The following C7 variants were observed in gnomAD, a reference collection of about 807,000 sequenced individuals.
C7 encodes complement component C7.
C7 carries 83 observed loss-of-function variants against 104.8 expected under a neutral mutation model. The ratio of observed to expected loss-of-function variants is 0.79; its 90% CI spans 0.66 to 0.95. C7 has a LOEUF of 0.95. Among genes scored for constraint, C7 ranks in the 40% least tolerant of loss-of-function variants. C7 has a pLI of 0.00. For missense variants in C7, 1,070 were observed against 1,011.2 expected (o/e 1.06, Z -0.79); for synonymous variants, 415 against 360.6 (o/e 1.15, Z -1.71).
rs889098226 is a variant in C7 at position 40,984,337 on chromosome 5, C to A, written c.*2764C>A. Reference sequence around the variant, plus strand: ...GCCAAGCAGGAAATCTGACAAGTGACCCCCGGAACTTTGGATTACCTAGCA... The same window carrying A: ...GCCAAGCAGGAAATCTGACAAGTGAACCCCGGAACTTTGGATTACCTAGCA... On this transcript the variant is annotated 3_prime_UTR_variant, in exon 18 of 18. Transcript: ENST00000313164. Among the ~76,000 whole-genome samples, 3 of 152,106 alleles carry A rather than the reference C, an allele frequency of 2.0e-5. No homozygotes were observed. The highest frequency in any genetic ancestry group is 2.9e-5 in the Non-Finnish European group (2 of 68,024).
chr5:40,928,745 T>C, intron 2 of C7, 110 bp downstream of exon 2: 1 of 575,470 alleles, frequency 1.7e-6, no homozygotes, highest in Non-Finnish European at 3.0e-6. Context: ...CCCTCCAACA[T>C]ATTTTCTCTT....
chr5:40,956,451 A>G lies in C7; in HGVS notation c.1260+898A>G, dbSNP rs148319065. On this transcript the variant is annotated intron_variant, in intron 10 of 17. Transcript: ENST00000313164. ...TGTGTGTCAACGCACATGCGTATGC[A>G]TGAGTTTTGTATATTCCTATGTGGC... Among the ~76,000 whole-genome samples the G allele has an allele frequency of 6.8e-3, 1,036 of 152,346 alleles. 5 individuals carry two copies. Among genetic ancestry groups the G allele is most frequent in the Middle Eastern group, 0.017 (5 of 294 alleles).
intron 3 of C7, among the ~76,000 whole-genome samples, chr5:40,933,378 A>G (rs942543728): frequency 6.6e-6 from 1 of 152,124 alleles, no homozygotes; most frequent in African/African-American, 2.4e-5. Flanking sequence ...GTTAATGGAG[A>G]AGAGGTGAGT....
intron 11 of C7, among the ~76,000 whole-genome samples, chr5:40,958,876 C>T (rs1740359865): frequency 1.3e-5 from 2 of 152,102 alleles, no homozygotes. Context: ...TTTCTTTATT[C>T]CCAGAGCTTG....
Position 40,966,613 on chromosome 5 carries a change from G to A in C7, c.1882+1740G>A, listed in dbSNP as rs542548890. On this transcript the variant is annotated intron_variant, in intron 14 of 17. Transcript: ENST00000313164. ...AGGATGGTCTTGAACTCCTGACCTCGTGATCTGCCTGAATCGGCCTCCCAA... is the reference window on the plus strand; with the variant it reads ...AGGATGGTCTTGAACTCCTGACCTCATGATCTGCCTGAATCGGCCTCCCAA... Among the ~76,000 whole-genome samples, 28 of 152,058 alleles carry A rather than the reference G, an allele frequency of 1.8e-4. No individual in the cohort carries two copies. The South Asian group carries it at 5.4e-3, about 29-fold the overall frequency.
At chr5:40,936,623 C>T in intron 5 of C7, 138 bp downstream of exon 5, 1 of 744,098 alleles carries the variant, frequency 1.3e-6, no homozygotes, top group East Asian at 2.7e-5. Flanking sequence ...TTTGCCACAT[C>T]CTGAGACAGT....
At chr5:40,934,693 T>C (rs1216759152) in intron 4 of C7, among the ~76,000 whole-genome samples, 1 of 152,200 alleles carries the variant, frequency 6.6e-6, no homozygotes, top group East Asian at 1.9e-4. Flanking sequence ...GCTCTTTGTC[T>C]CTTTGAATGG....
At chr5:40,920,803 C>G (rs1739422545) in intron 1 of C7, among the ~76,000 whole-genome samples, 1 of 152,174 alleles carries the variant, frequency 6.6e-6, no homozygotes, top group African/African-American at 2.4e-5. Context: ...AATCCCAGCA[C>G]TTTGGGAGGC....
chr5:40,958,549 A>G (rs748140131), intron 11 of C7, among the ~76,000 whole-genome samples: 6 of 152,168 alleles, frequency 3.9e-5, no homozygotes, highest in Non-Finnish European at 8.8e-5. Flanking sequence ...AATTACCTCA[A>G]TAAGGTTTTG....
Position 40,972,524 on chromosome 5 carries a change from T to C in C7, c.2004T>C (p.Pro668=). Residue 668 remains proline (P), a synonymous_variant, in exon 15 of 18, where the codon CCT becomes CCC. Transcript: ENST00000313164. ...SCSGGMSLEG[P]SAFLCGSSLK... is the part of the protein sequence containing the mutation. ...CAGGTGGCATGTCCTTAGAAGGTCC[T>C]TCAGCATTTCTCTGTGGCTCCAGCC... 6.2e-7 allele frequency: 1 copy of C among 1,613,678 alleles called. No individual in the cohort carries two copies. The highest frequency in any genetic ancestry group is 8.5e-7 in the Non-Finnish European group (1 of 1,179,710).
chr5:40,927,399 T>A (rs1404499852), intron 1 of C7, among the ~76,000 whole-genome samples: 1 of 152,050 alleles, frequency 6.6e-6, no homozygotes, highest in African/African-American at 2.4e-5. Context: ...CAAATGGGAT[T>A]ACAACAAACT....
intron 6 of C7, among the ~76,000 whole-genome samples, chr5:40,942,465 A>G (rs531167459): frequency 4.6e-5 from 7 of 152,262 alleles, no homozygotes; most frequent in African/African-American, 9.6e-5. Context: ...AGAAAAGTTA[A>G]TAAGTTTGTA....
At chr5:40,913,038 G>A (rs1471875015) in intron 1 of C7, among the ~76,000 whole-genome samples, 1 of 152,126 alleles carries the variant, frequency 6.6e-6, no homozygotes, top group Non-Finnish European at 1.5e-5. Flanking sequence ...CTACTTGTAA[G>A]TGAGAATATG....
intron 14 of C7, among the ~76,000 whole-genome samples, chr5:40,970,566 G>A (rs1740676702): frequency 6.6e-6 from 1 of 152,122 alleles, no homozygotes; most frequent in South Asian, 2.1e-4. Flanking sequence ...TGAGTCAGGA[G>A]GATTGCTTGA....
At chr5:40,963,000 A>G (rs1020282966) in intron 13 of C7, among the ~76,000 whole-genome samples, 6 of 152,078 alleles carry the variant, frequency 3.9e-5, no homozygotes, top group African/African-American at 1.4e-4. Context: ...AGAGAGAGAG[A>G]GAGAAAATCA....
At chr5:40,961,926 T>A (rs1305575486) in intron 12 of C7, among the ~76,000 whole-genome samples, 159 bp from the exon 13 acceptor site, 6 of 152,242 alleles carry the variant, frequency 3.9e-5, no homozygotes, top group Admixed American at 3.9e-4. Flanking sequence ...TACCACAGGA[T>A]GTAAGCAGAT....
chr5:40,965,748 T>C (rs1355235618), intron 14 of C7, among the ~76,000 whole-genome samples: 1 of 151,544 alleles, frequency 6.6e-6, no homozygotes, highest in East Asian at 1.9e-4. Context: ...TTCATGTGAT[T>C]CTTGTGCCTC....
chr5:40,927,554 A>G (rs531171927), intron 1 of C7, among the ~76,000 whole-genome samples: 8 of 152,272 alleles, frequency 5.3e-5, no homozygotes, highest in Non-Finnish European at 1.2e-4. Flanking sequence ...GCAAGAAGAC[A>G]AAAAACCCAA....
At chr5:40,943,857 G>T (rs1739994159) in intron 6 of C7, among the ~76,000 whole-genome samples, 1 of 152,008 alleles carries the variant, frequency 6.6e-6, no homozygotes, top group East Asian at 1.9e-4. Flanking sequence ...TTTTTAGCAT[G>T]CATATCTAAT....
Sources: allele counts gnomAD v4.1 joint callset (sites outside exome capture counted in the v4.1 genomes callset), GRCh38; gene constraint gnomAD v4.1.1; transcripts MANE v1.5; gene names NCBI Gene and HGNC (gene_info 2026-07-23, HGNC 2026-07-21).